The following VSNL1 variants were observed in gnomAD, a reference collection of about 807,000 sequenced individuals.
VSNL1 encodes visinin like 1, also known as visinin-like protein 1.
In VSNL1, 6 loss-of-function variants were observed where a neutral mutation model predicts 20.4. The ratio of observed to expected loss-of-function variants is 0.29; its 90% CI spans 0.16 to 0.58. The LOEUF (loss-of-function observed/expected upper bound fraction) is 0.58. VSNL1 is among the 20% of genes least tolerant of loss of function. The pLI is 0.90. For missense variants in VSNL1, 100 were observed against 234.5 expected, an observed-to-expected ratio of 0.43 and a Z score of 3.75; for synonymous variants, 93 against 86.4, an observed-to-expected ratio of 1.08 and a Z score of -0.42.
intron 2 of VSNL1, among the ~76,000 whole-genome samples, chr2:17,635,492 G>T (rs1038937025): frequency 2.6e-5 from 4 of 152,208 alleles, no homozygotes; most frequent in African/African-American, 9.7e-5. Flanking sequence ...AAGCTCAAAA[G>T]CTCCTTCTCC....
At chr2:17,551,221 G>A in intron 1 of VSNL1, among the ~76,000 whole-genome samples, 1 of 152,184 alleles carries the variant, frequency 6.6e-6, no homozygotes, top group South Asian at 2.1e-4. Flanking sequence ...CCCCTTCTCT[G>A]CCCCCTCCCT....
chr2:17,564,321 A>G (rs781523921), intron 1 of VSNL1, among the ~76,000 whole-genome samples: 1 of 152,184 alleles, frequency 6.6e-6, no homozygotes, highest in Non-Finnish European at 1.5e-5. Context: ...GAAAGGAACT[A>G]TGTCTGGATA....
chr2:17,603,845 T>C (rs569449452), intron 2 of VSNL1, among the ~76,000 whole-genome samples: 1 of 152,212 alleles, frequency 6.6e-6, no homozygotes, highest in Non-Finnish European at 1.5e-5. Context: ...TCCTCATAAA[T>C]GTCCCAGTGA....
At chr2:17,620,867 C>T (rs948156781) in intron 2 of VSNL1, among the ~76,000 whole-genome samples, 1 of 152,188 alleles carries the variant, frequency 6.6e-6, no homozygotes, top group Non-Finnish European at 1.5e-5. Flanking sequence ...TGAAACCTCT[C>T]AATTTAAACT....
chr2:17,628,683 C>A (rs1372847333), intron 2 of VSNL1, among the ~76,000 whole-genome samples: 1 of 152,198 alleles, frequency 6.6e-6, no homozygotes, highest in Admixed American at 6.5e-5. Flanking sequence ...AGGCAGGCTG[C>A]CCACATCTGA....
At chr2:17,566,633 C>G (rs1044600582) in intron 1 of VSNL1, among the ~76,000 whole-genome samples, 4 of 152,094 alleles carry the variant, frequency 2.6e-5, no homozygotes, top group African/African-American at 9.7e-5. Context: ...ATATACATTG[C>G]AGATATTATC....
At chr2:17,644,446 G>T (rs1665950839) in intron 2 of VSNL1, among the ~76,000 whole-genome samples, 1 of 152,200 alleles carries the variant, frequency 6.6e-6, no homozygotes, top group Non-Finnish European at 1.5e-5. Context: ...TGCACGAGGG[G>T]CCCCTTAGGG....
intron 1 of VSNL1, among the ~76,000 whole-genome samples, chr2:17,549,205 G>T (rs1243952411): frequency 6.6e-6 from 1 of 152,114 alleles, no homozygotes; most frequent in Non-Finnish European, 1.5e-5. Flanking sequence ...CAAATAAATG[G>T]CAGAAGAGGG....
intron 2 of VSNL1, among the ~76,000 whole-genome samples, chr2:17,617,097 C>A (rs1665236017): frequency 6.6e-6 from 1 of 152,202 alleles, no homozygotes; most frequent in South Asian, 2.1e-4. Context: ...TGAACTTAAT[C>A]TCATAGCTGT....
intron 2 of VSNL1, among the ~76,000 whole-genome samples, chr2:17,593,262 A>G (rs1664635765): frequency 6.6e-6 from 1 of 152,200 alleles, no homozygotes; most frequent in Admixed American, 6.5e-5. Flanking sequence ...CACAATGGTA[A>G]AACTGGGAAA....
intron 2 of VSNL1, among the ~76,000 whole-genome samples, chr2:17,626,073 C>G (rs1665502195): frequency 6.6e-6 from 1 of 152,144 alleles, no homozygotes; most frequent in African/African-American, 2.4e-5. Context: ...CCCGCCTCAG[C>G]TTCGCAAAAG....
At chr2:17,646,941 T>G (rs1256068294) in intron 2 of VSNL1, among the ~76,000 whole-genome samples, 2 of 152,152 alleles carry the variant, frequency 1.3e-5, no homozygotes, top group Non-Finnish European at 2.9e-5. Flanking sequence ...TGTCCCTAGT[T>G]AGAAAAACTC....
At chr2:17,653,606 A>G (rs1165961777) in intron 3 of VSNL1, among the ~76,000 whole-genome samples, 2 of 152,248 alleles carry the variant, frequency 1.3e-5, no homozygotes, top group African/African-American at 4.8e-5. Context: ...TCCATGATAC[A>G]TCAATACCAT....
intron 2 of VSNL1, among the ~76,000 whole-genome samples, chr2:17,618,224 T>C (rs1665265599): frequency 6.6e-6 from 1 of 152,202 alleles, no homozygotes; most frequent in Non-Finnish European, 1.5e-5. Context: ...TGTATTATCT[T>C]ACACTTTTGG....
chr2:17,575,356 C>A lies in VSNL1; in HGVS notation c.-5-16714C>A, dbSNP rs921188485. On this transcript the variant is annotated intron_variant, in intron 1 of 3. Transcript: ENST00000295156. ...CCTCTGAATAATTTGAAGGTTAAATCATTGAAGACAGTCCATAAAATAATT... is the reference window on the plus strand; with the variant it reads ...CCTCTGAATAATTTGAAGGTTAAATAATTGAAGACAGTCCATAAAATAATT... Among the ~76,000 whole-genome samples the A allele has an allele frequency of 2.6e-5, 4 of 152,148 alleles. No individual in the cohort carries two copies. In the East Asian group the frequency reaches 7.7e-4, roughly 29 times the overall value.
At chr2:17,565,825 A>G (rs1663924836) in intron 1 of VSNL1, among the ~76,000 whole-genome samples, 1 of 152,150 alleles carries the variant, frequency 6.6e-6, no homozygotes, top group African/African-American at 2.4e-5. Context: ...CATGGGAGGG[A>G]CCAGGTGGAC....
At chr2:17,632,447 T>C (rs1665656170) in intron 2 of VSNL1, among the ~76,000 whole-genome samples, 1 of 152,056 alleles carries the variant, frequency 6.6e-6, no homozygotes, top group Admixed American at 6.6e-5. Context: ...ATTACAGGCA[T>C]GCATCACCAC....
chr2:17,587,692 A>G (rs1664508622), intron 1 of VSNL1, among the ~76,000 whole-genome samples: 1 of 152,194 alleles, frequency 6.6e-6, no homozygotes, highest in South Asian at 2.1e-4. Context: ...TTAGGAAAGC[A>G]GTGGGGTGCG....
chr2:17,626,094 C>T (rs1389040392), intron 2 of VSNL1, among the ~76,000 whole-genome samples: 2 of 152,156 alleles, frequency 1.3e-5, no homozygotes, highest in Non-Finnish European at 2.9e-5. Flanking sequence ...ACTGGGATTA[C>T]AGGCATGAGC....
Sources: allele counts gnomAD v4.1 joint callset (sites outside exome capture counted in the v4.1 genomes callset), GRCh38; gene constraint gnomAD v4.1.1; transcripts MANE v1.5; gene names NCBI Gene and HGNC (gene_info 2026-07-23, HGNC 2026-07-21).